SLC8A1: variants seen among roughly 807,000 people sequenced by gnomAD.
The protein encoded by SLC8A1 is solute carrier family 8 member A1.
SLC8A1 carries 18 observed loss-of-function variants against 68.3 expected under a neutral mutation model. That is an observed-to-expected ratio of 0.26 (90% confidence interval 0.18 to 0.39). SLC8A1 has a LOEUF of 0.39. Among genes scored for constraint, SLC8A1 ranks in the 10% least tolerant of loss-of-function variants. The pLI, the probability that SLC8A1 is intolerant of heterozygous loss-of-function variation, is 1.00. For missense variants in SLC8A1, 985 were observed against 1,156.7 expected (o/e 0.85, Z 2.15); for synonymous variants, 475 against 415.5 (o/e 1.14, Z -1.74).
At chr2:40,509,080 C>T (rs560173510) in intron 1 of SLC8A1, among the ~76,000 whole-genome samples, 2 of 152,298 alleles carry the variant, frequency 1.3e-5, no homozygotes, top group Admixed American at 1.3e-4. Context: ...CCTTGTATTA[C>T]TTCACAGACC....
rs1056527634 is a variant in SLC8A1 at position 40,307,164 on chromosome 2, CACACACAAACACAT to C, written c.1808+121295_1808+121308del. 4.0e-5 allele frequency among the ~76,000 whole-genome samples: 6 copies of C among 151,192 alleles called. No homozygotes were observed. The South Asian group carries it at 6.2e-4, about 16-fold the overall frequency. Reference sequence around the variant, plus strand: ...TGTGATATACACACACACACACACACACACACAAACACATACACACACACACACCAATATAACAG... The same window carrying C: ...TGTGATATACACACACACACACACACACACACACACACACCAATATAACAG... On this transcript the variant is annotated intron_variant, in intron 2 of 7. Coordinates refer to ENST00000406785, the Ensembl canonical transcript of SLC8A1.
chr2:40,184,770 C>A (rs541595586), intron 2 of SLC8A1, among the ~76,000 whole-genome samples: 44 of 152,132 alleles, frequency 2.9e-4, no homozygotes, highest in African/African-American at 1.0e-3. Context: ...TGACCCAGGA[C>A]TGACCACGCA....
At chr2:40,288,615 A>G (rs1290267940) in intron 2 of SLC8A1, among the ~76,000 whole-genome samples, 3 of 151,936 alleles carry the variant, frequency 2.0e-5, no homozygotes, top group Non-Finnish European at 2.9e-5. Flanking sequence ...ACCTCTCCCC[A>G]GTTCTGTGTT....
intron 1 of SLC8A1, among the ~76,000 whole-genome samples, chr2:40,503,389 A>G (rs1015590629): frequency 2.0e-5 from 3 of 151,994 alleles, no homozygotes; most frequent in Non-Finnish European, 2.9e-5. Flanking sequence ...TGAACTTGGT[A>G]TAGTGAGATA....
intron 2 of SLC8A1, among the ~76,000 whole-genome samples, chr2:40,239,267 A>G (rs531211611): frequency 2.0e-5 from 3 of 152,336 alleles, no homozygotes; most frequent in South Asian, 2.1e-4. Flanking sequence ...AATATTGCCC[A>G]ATCACTACTC....
At chr2:40,362,037 G>C (rs1674785100) in intron 2 of SLC8A1, among the ~76,000 whole-genome samples, 1 of 151,388 alleles carries the variant, frequency 6.6e-6, no homozygotes, top group African/African-American at 2.4e-5. Context: ...TGGGATTACA[G>C]GCATGCACCA....
intron 2 of SLC8A1, among the ~76,000 whole-genome samples, chr2:40,395,631 G>C (rs1386605597): frequency 6.6e-6 from 1 of 152,136 alleles, no homozygotes; most frequent in Non-Finnish European, 1.5e-5. Flanking sequence ...ACTGTTCTAA[G>C]AGAGGAAAGG....
At chr2:40,120,065 T>G (rs538043422) in intron 7 of SLC8A1, among the ~76,000 whole-genome samples, 1 of 152,350 alleles carries the variant, frequency 6.6e-6, no homozygotes, top group South Asian at 2.1e-4. Flanking sequence ...TCTCAAACTT[T>G]ATTGCTACTT....
chr2:40,113,003 A>C (rs950113728), exon 8 of SLC8A1: 3 of 152,344 alleles, frequency 2.0e-5, no homozygotes, highest in Admixed American at 6.5e-5. Flanking sequence ...CTTGCAAGAT[A>C]AAAATCTTTC....
chr2:40,411,272 T>A (rs1246544837), intron 2 of SLC8A1, among the ~76,000 whole-genome samples: 1 of 152,042 alleles, frequency 6.6e-6, no homozygotes, highest in Non-Finnish European at 1.5e-5. Flanking sequence ...GCATAACACT[T>A]TGCACACAGC....
chr2:40,131,858 ATT>A (rs71404277), intron 7 of SLC8A1, among the ~76,000 whole-genome samples: 8,477 of 94,254 alleles, frequency 0.09, 131 homozygotes, highest in African/African-American at 0.16. Flanking sequence ...TTGGTATTCT[ATT>A]TTTTTTTTTT....
rs1252564945 is a variant in SLC8A1, at chr2:40,264,235, C to T, written c.1809-86380G>A. ...GAGAGGATGTGGAGAAATAGGAACACTTTTACACTGTTGGTGGGACTGTAA... is the reference window on the plus strand; with the variant it reads ...GAGAGGATGTGGAGAAATAGGAACATTTTTACACTGTTGGTGGGACTGTAA... On this transcript the variant is annotated intron_variant, in intron 2 of 7. Coordinates refer to ENST00000406785, the Ensembl canonical transcript of SLC8A1. Among the ~76,000 whole-genome samples, 150 of 151,198 alleles carry T rather than the reference C, an allele frequency of 9.9e-4. 3 individuals are homozygous for T. The highest frequency in any genetic ancestry group is 1.1e-3 in the Non-Finnish European group (71 of 67,496).
At chr2:40,493,688 T>C (rs1309649578) in intron 1 of SLC8A1, among the ~76,000 whole-genome samples, 1 of 150,256 alleles carries the variant, frequency 6.7e-6, no homozygotes, top group African/African-American at 2.5e-5. Context: ...AGAGTCTTGC[T>C]CTGTTTCCCA....
intron 1 of SLC8A1, among the ~76,000 whole-genome samples, chr2:40,446,164 T>C (rs553573559): frequency 2.6e-5 from 4 of 152,286 alleles, no homozygotes; most frequent in Non-Finnish European, 4.4e-5. Flanking sequence ...GGAAACAGAA[T>C]CATCACCTTT....
intron 2 of SLC8A1, among the ~76,000 whole-genome samples, chr2:40,350,886 C>T (rs1270774249): frequency 6.6e-6 from 1 of 151,920 alleles, no homozygotes; most frequent in Non-Finnish European, 1.5e-5. Flanking sequence ...TTAATATTGC[C>T]ATTTCATAGG....
intron 2 of SLC8A1, among the ~76,000 whole-genome samples, chr2:40,352,503 A>G (rs1671408376): frequency 1.3e-5 from 2 of 152,196 alleles, no homozygotes; most frequent in African/African-American, 4.8e-5. Flanking sequence ...CCTGTGAGTC[A>G]TCAAAACTCA....
chr2:40,153,529 C>T (rs1247154259), intron 6 of SLC8A1, among the ~76,000 whole-genome samples: 1 of 152,204 alleles, frequency 6.6e-6, no homozygotes, highest in African/African-American at 2.4e-5. Flanking sequence ...AGTTGGATGG[C>T]AGCAGTGTTG....
chr2:40,160,795 G>C, exon 6 of SLC8A1: 2 of 1,613,202 alleles, frequency 1.2e-6, no homozygotes, highest in Non-Finnish European at 8.5e-7. Context: ...TCAATGAACT[G>C]TTCTCTCCAG....
At chr2:40,378,114 A>T (rs540467266) in intron 2 of SLC8A1, among the ~76,000 whole-genome samples, 2 of 152,212 alleles carry the variant, frequency 1.3e-5, no homozygotes, top group South Asian at 4.1e-4. Flanking sequence ...ATAAAAATCT[A>T]TGCCTTTATA....
Sources: allele counts gnomAD v4.1 joint callset (sites outside exome capture counted in the v4.1 genomes callset), GRCh38; gene constraint gnomAD v4.1.1; transcripts MANE v1.5; gene names NCBI Gene and HGNC (gene_info 2026-07-23, HGNC 2026-07-21).